Variants in PSMC1 observed in about 807,000 individuals in gnomAD.
The protein encoded by PSMC1 is proteasome 26S subunit, ATPase 1.
A neutral mutation model predicts 49.8 loss-of-function variants in PSMC1; 5 were observed. The observed-to-expected ratio is 0.10, with a 90% CI of 0.05 to 0.21. PSMC1 has a LOEUF of 0.21. PSMC1 is among the 10% of genes least tolerant of loss of function. The probability of loss-of-function intolerance (pLI) is 1.00; values close to 1 mark genes in which losing one functional copy is unlikely to be tolerated. For synonymous variants in PSMC1, 155 were observed against 192.1 expected (o/e 0.81, Z 1.60); for missense variants, 181 against 535.7 (o/e 0.34, Z 6.54).
At chr14:90,265,556 A>G (rs763844160) in intron 7 of PSMC1, among the ~76,000 whole-genome samples, 39 of 151,788 alleles carry the variant, frequency 2.6e-4, no homozygotes, top group Non-Finnish European at 5.6e-4. Flanking sequence ...GGGTGTGGTG[A>G]CGTGCGCCTG....
intron 8 of PSMC1, 125 bp from the exon 9 acceptor site, chr14:90,269,272 G>C: frequency 1.3e-6 from 1 of 786,448 alleles, no homozygotes; most frequent in Non-Finnish European, 2.0e-6. Flanking sequence ...AATTGAGGGA[G>C]TGCCATGTGA....
Position 90,270,191 on chromosome 14 carries a change from C to A in PSMC1, c.1034-7C>A, listed in dbSNP as rs898937548. 1.2e-6 allele frequency: 2 copies of A among 1,613,022 alleles called. No homozygotes were observed. Among genetic ancestry groups the A allele is most frequent in the Admixed American group, 1.7e-5 (1 of 59,940 alleles). On this transcript the variant is annotated splice_region_variant and splice_polypyrimidine_tract_variant and intron_variant, in intron 9 of 10. Transcript: ENST00000261303. The stretch of plus-strand genomic sequence containing the variant: ...TGGTGTGACTTCAAATCTCTTTGTA[C>A]CTGCAGGCCGCATTGACAGGAAGAT...
rs143746676 is a variant in PSMC1 at position 90,261,799 on chromosome 14, T to C, written c.155-1519T>C. On this transcript the variant is annotated intron_variant, in intron 3 of 10. Transcript: ENST00000261303. ...CCATTTGACCCAGCCATCCCATTAC[T>C]GGGTATATACCCAAAGGAATATAAA... 5.6e-4 allele frequency among the ~76,000 whole-genome samples: 85 copies of C among 151,028 alleles called. 2 individuals carry two copies. In the East Asian group the frequency reaches 0.016, roughly 28 times the overall value.
At chr14:90,267,512 AATGATGTT>A (rs1294844882) in intron 7 of PSMC1, 1 of 152,194 alleles carries the variant, frequency 6.6e-6, no homozygotes, top group Admixed American at 6.5e-5. Flanking sequence ...CAGTATTGGA[AATGATGTT>A]TGAGCTCTTC....
At position 90,274,112 on chromosome 14, in the gene PSMC1, G is replaced by C. The variant is rs1422470486; in HGVS notation, c.*1705G>C. On this transcript the variant is annotated 3_prime_UTR_variant, in exon 11 of 11. Coordinates refer to ENST00000261303, the MANE Select transcript of PSMC1 (RefSeq NM_002802.3). ...GACATCCACACGTGGGGGTGGCCCA[G>C]TGCAGGGTAAGGACGGGGTGCTTGT... 1.9e-5 allele frequency: 3 copies of C among 155,132 alleles called. No homozygotes were observed. The highest frequency in any genetic ancestry group is 7.2e-5 in the African/African-American group (3 of 41,516). 9.6% of individuals were successfully genotyped at this position (155,132 alleles called of 1,614,324 possible).
intron 3 of PSMC1, among the ~76,000 whole-genome samples, chr14:90,261,843 C>G (rs11846321): frequency 1.8e-4 from 26 of 147,974 alleles, no homozygotes; most frequent in Admixed American, 1.6e-3. Context: ...CTATAAAGAC[C>G]CATGCACATG....
intron 3 of PSMC1, 40 bp from the exon 4 acceptor site, chr14:90,263,278 C>T: frequency 1.3e-6 from 2 of 1,560,074 alleles, no homozygotes; most frequent in Non-Finnish European, 1.7e-6. Flanking sequence ...TTGCAAACTT[C>T]AGGGTCCACA....
rs1325386576 is a variant in PSMC1 at position 90,262,168 on chromosome 14, G to A, written c.155-1150G>A. ...CTGTCGTGGGGTGGGGGGAGGGGGA[G>A]GGATAGCATTAGGAGATATACCTAA... On this transcript the variant is annotated intron_variant, in intron 3 of 10. Coordinates refer to ENST00000261303, the MANE Select transcript of PSMC1 (RefSeq NM_002802.3). 1.3e-4 allele frequency among the ~76,000 whole-genome samples: 12 copies of A among 94,614 alleles called. No homozygotes were observed. In the Admixed American group the frequency reaches 1.5e-3, roughly 12 times the overall value. 62.1% of individuals were successfully genotyped at this position (94,614 alleles called of 152,430 possible). A position where few individuals can be genotyped will look rare whatever the true frequency, so the allele number is the denominator to read the frequency against.
At chr14:90,270,964 G>A (rs981920799) in intron 10 of PSMC1, 1 of 152,204 alleles carries the variant, frequency 6.6e-6, no homozygotes, top group Non-Finnish European at 1.5e-5. Context: ...CACCTGCCCT[G>A]AGCCCACGGA....
intron 7 of PSMC1, 24 bp downstream of exon 7, chr14:90,265,190 C>G (rs1891480174): frequency 1.3e-6 from 2 of 1,517,108 alleles, no homozygotes; most frequent in Non-Finnish European, 9.1e-7. Flanking sequence ...TTGACACTTT[C>G]CAGGCACCCA....
At position 90,260,508 on chromosome 14, in the gene PSMC1, G is replaced by A. The variant is rs1000187243; in HGVS notation, c.154+297G>A. Among the ~76,000 whole-genome samples the A allele has an allele frequency of 5.3e-5, 8 of 152,302 alleles. No homozygotes were observed. In the Middle Eastern group the frequency reaches 0.01, roughly 194 times the overall value. On this transcript the variant is annotated intron_variant, in intron 3 of 10. Coordinates refer to ENST00000261303, the MANE Select transcript of PSMC1 (RefSeq NM_002802.3). ...GCACTTTGGGAGGCCGAGGCGGGCG[G>A]ATCACAAGGTCAGGAGATTGAGACC...
chr14:90,269,820 C>T lies in PSMC1; in HGVS notation c.1033+272C>T, dbSNP rs539114974. 3.6e-4 allele frequency: 147 copies of T among 405,408 alleles called. 1 individual carries two copies. The South Asian group carries it at 7.1e-3, about 19-fold the overall frequency. 25.1% of individuals were successfully genotyped at this position (405,408 alleles called of 1,614,324 possible). A position where few individuals can be genotyped will look rare whatever the true frequency, so the allele number is the denominator to read the frequency against. On this transcript the variant is annotated intron_variant, in intron 9 of 10. Coordinates refer to ENST00000261303, the MANE Select transcript of PSMC1 (RefSeq NM_002802.3). ...TAGCCTCAAGAACTTGCTGCTTTTT[C>T]TGGAAGAAATAATTCATGTGATGGT...
In PSMC1 at chr14:90,272,235, A is replaced by G; in HGVS notation, c.1189-38A>G. On this transcript the variant is annotated intron_variant, in intron 10 of 10. Coordinates refer to ENST00000261303, the MANE Select transcript of PSMC1 (RefSeq NM_002802.3). The surrounding 1 kb of genome is among the most constrained non-coding windows in gnomAD (Gnocchi z 4.5). ...GGAATTCCTTGTTAGAATAAAAATGAGTATGTCACTTTCTGAACACACTCT... is the reference window on the plus strand; with the variant it reads ...GGAATTCCTTGTTAGAATAAAAATGGGTATGTCACTTTCTGAACACACTCT... The G allele has an allele frequency of 6.3e-7, 1 of 1,596,304 alleles. No individual in the cohort carries two copies. Among genetic ancestry groups the G allele is most frequent in the Non-Finnish European group, 8.5e-7 (1 of 1,175,454 alleles).
Position 90,262,670 on chromosome 14 carries a change from A to C in PSMC1, c.155-648A>C, listed in dbSNP as rs1033809116. Among the ~76,000 whole-genome samples, 4 of 151,900 alleles carry C rather than the reference A, an allele frequency of 2.6e-5. No homozygotes were observed. In the East Asian group the frequency reaches 7.7e-4, roughly 29 times the overall value. ...GTGGTGGCACACACCTGTAATTCCA[A>C]CTATTCGGGAGGCTGAGGCAGGAGA... On this transcript the variant is annotated intron_variant, in intron 3 of 10. Transcript: ENST00000261303.
At chr14:90,262,773 C>T (rs7158180) in intron 3 of PSMC1, among the ~76,000 whole-genome samples, 82,859 of 149,522 alleles carry the variant, frequency 0.55, 23,519 homozygotes, top group Middle Eastern at 0.72. Context: ...GACAGAGCAA[C>T]AAGACTCCGT....
At chr14:90,258,736 G>A (rs189448104) in intron 1 of PSMC1, among the ~76,000 whole-genome samples, 57 of 152,300 alleles carry the variant, frequency 3.7e-4, no homozygotes, top group African/African-American at 1.2e-3. Context: ...CGATTTTTGA[G>A]TGTGTAAAAT....
chr14:90,261,695 C>T (rs1434556130), intron 3 of PSMC1, among the ~76,000 whole-genome samples: 1 of 152,186 alleles, frequency 6.6e-6, no homozygotes, highest in Non-Finnish European at 1.5e-5. Context: ...CACTTTTACA[C>T]TGTTGGTGGG....
At chr14:90,259,999 T>G (rs1891366296) in intron 2 of PSMC1, 116 bp from the exon 3 acceptor site, 1 of 607,220 alleles carries the variant, frequency 1.6e-6, no homozygotes. Context: ...AATAACATCC[T>G]AAAAGATAAG....
chr14:90,268,496 G>C (rs566417995), intron 8 of PSMC1, 83 bp downstream of exon 8: 1 of 1,363,904 alleles, frequency 7.3e-7, no homozygotes, highest in Non-Finnish European at 1.0e-6. Flanking sequence ...ATCTCAGGGG[G>C]CTCTCCCTAT....
Sources: gnomAD v4.1 joint callset for allele counts (sites outside exome capture counted in the v4.1 genomes callset) on GRCh38, gnomAD v4.1.1 for gene constraint, Gnocchi (gnomAD v3.1) non-coding constraint, MANE v1.5 for transcripts, NCBI Gene and HGNC (gene_info 2026-07-23, HGNC 2026-07-21) for gene names.